Variants in B3GALT1 observed in about 807,000 individuals in gnomAD.
B3GALT1 encodes UDP-Gal:betaGlcNAc beta 1,3-galactosyltransferase, polypeptide 1.
B3GALT1 carries 10 observed loss-of-function variants against 23.2 expected under a neutral mutation model. The ratio of observed to expected loss-of-function variants is 0.43; its 90% confidence interval spans 0.27 to 0.73. The LOEUF (loss-of-function observed/expected upper bound fraction) is 0.73, where lower values mean the gene tolerates loss of function less well. Ranked by LOEUF, B3GALT1 falls within the 30% of genes least tolerant of loss-of-function variation. B3GALT1 has a pLI of 0.21. For missense variants in B3GALT1, 299 were observed against 405.4 expected (o/e 0.74, Z 2.25); for synonymous variants, 156 against 141.5 (o/e 1.10, Z -0.73).
chr2:167,367,695 C>T (rs1025439525), intron 1 of B3GALT1, among the ~76,000 whole-genome samples: 1 of 152,112 alleles, frequency 6.6e-6, no homozygotes. Flanking sequence ...AGTACATAGA[C>T]TGACCCTGAA....
intron 2 of B3GALT1, among the ~76,000 whole-genome samples, chr2:167,589,479 C>T (rs1196678350): frequency 6.6e-6 from 1 of 152,038 alleles, no homozygotes; most frequent in East Asian, 1.9e-4. Flanking sequence ...AATGTACATT[C>T]TTACAAGGTG....
At chr2:167,514,932 G>T (rs1700078466) in intron 2 of B3GALT1, among the ~76,000 whole-genome samples, 1 of 151,926 alleles carries the variant, frequency 6.6e-6, no homozygotes, top group Non-Finnish European at 1.5e-5. Flanking sequence ...ATAGGAACTG[G>T]TTAATAAATA....
intron 2 of B3GALT1, among the ~76,000 whole-genome samples, chr2:167,574,732 G>C (rs1207291983): frequency 6.6e-6 from 1 of 151,474 alleles, no homozygotes; most frequent in African/African-American, 2.4e-5. Flanking sequence ...AAGTGTATAG[G>C]GCATAAAATT....
chr2:167,503,509 T>C (rs1699876571), intron 2 of B3GALT1, among the ~76,000 whole-genome samples: 1 of 152,174 alleles, frequency 6.6e-6, no homozygotes, highest in Non-Finnish European at 1.5e-5. Flanking sequence ...AGCTTAACAC[T>C]AAAAACTCTT....
At chr2:167,352,052 C>T (rs1426163541) in intron 1 of B3GALT1, among the ~76,000 whole-genome samples, 5 of 151,034 alleles carry the variant, frequency 3.3e-5, no homozygotes, top group Admixed American at 2.0e-4. Flanking sequence ...CTCTGCCTCC[C>T]GGGTTCAAAT....
At chr2:167,646,497 C>A (rs1209831982) in intron 2 of B3GALT1, among the ~76,000 whole-genome samples, 1 of 152,230 alleles carries the variant, frequency 6.6e-6, no homozygotes, top group Non-Finnish European at 1.5e-5. Flanking sequence ...GCTTACATAG[C>A]TGAAACTACC....
At chr2:167,594,412 A>G (rs768562304) in intron 2 of B3GALT1, among the ~76,000 whole-genome samples, 29 of 152,210 alleles carry the variant, frequency 1.9e-4, no homozygotes, top group Non-Finnish European at 3.7e-4. Context: ...TGACTAAAAT[A>G]CTGTATCACC....
At chr2:167,810,559 T>C (rs569005159) in intron 3 of B3GALT1, among the ~76,000 whole-genome samples, 4 of 151,186 alleles carry the variant, frequency 2.6e-5, no homozygotes, top group Non-Finnish European at 4.4e-5. Flanking sequence ...TCAATGAATA[T>C]AGGCAGCAAC....
chr2:167,714,345 C>T (rs1687110233), intron 3 of B3GALT1: 2 of 1,499,090 alleles, frequency 1.3e-6, no homozygotes, highest in African/African-American at 2.8e-5. Flanking sequence ...CTTGGTTCTC[C>T]TCTTTTATTG....
chr2:167,821,070 A>G (rs1227770021), intron 4 of B3GALT1, among the ~76,000 whole-genome samples: 1 of 152,218 alleles, frequency 6.6e-6, no homozygotes, highest in Non-Finnish European at 1.5e-5. Flanking sequence ...AAGAGCTAAG[A>G]GCCTCTATCC....
chr2:167,328,246 G>T (rs1224830088), intron 1 of B3GALT1, among the ~76,000 whole-genome samples: 1 of 152,186 alleles, frequency 6.6e-6, no homozygotes, highest in Non-Finnish European at 1.5e-5. Flanking sequence ...TAATGAGTTA[G>T]AAAGGATTCC....
At position 167,756,173 on chromosome 2, in the gene B3GALT1, G is replaced by A. The variant is rs370557986; in HGVS notation, c.-351-62499G>A. On this transcript the variant is annotated intron_variant, in intron 3 of 4. Transcript: ENST00000392690. The stretch of plus-strand genomic sequence containing the variant: ...CCCCTAGTCTGCCCATTCCCACCCC[G>A]CCCCCCAGGATGCTTCTCACATTTA... Among the ~76,000 whole-genome samples, 5 of 145,412 alleles carry A rather than the reference G, an allele frequency of 3.4e-5. No homozygotes were observed. In the East Asian group the frequency reaches 6.8e-4, roughly 20 times the overall value.
intron 1 of B3GALT1, among the ~76,000 whole-genome samples, chr2:167,304,054 C>G (rs1696505415): frequency 6.6e-6 from 1 of 152,118 alleles, no homozygotes; most frequent in Non-Finnish European, 1.5e-5. Context: ...TTACAGTATT[C>G]CATTCTTCCC....
chr2:167,848,789 AGAG>A (rs1272206829), intron 4 of B3GALT1, among the ~76,000 whole-genome samples: 1 of 152,172 alleles, frequency 6.6e-6, no homozygotes, highest in Non-Finnish European at 1.5e-5. Context: ...AAATTGGTAA[AGAG>A]GAAGTCAAAC....
rs183125734 is a variant in B3GALT1 at position 167,799,884 on chromosome 2, G to A, written c.-351-18788G>A. On this transcript the variant is annotated intron_variant, in intron 3 of 4. Transcript: ENST00000392690. Reference sequence around the variant, plus strand: ...ATGTGAAATGTGTTCAAGACCCACAGACAAAGGTTCTTAGTTTTAACAAAA... The same window carrying A: ...ATGTGAAATGTGTTCAAGACCCACAAACAAAGGTTCTTAGTTTTAACAAAA... Among the ~76,000 whole-genome samples, 317 of 151,706 alleles carry A rather than the reference G, an allele frequency of 2.1e-3. 3 individuals carry two copies. Among genetic ancestry groups the A allele is most frequent in the African/African-American group, 7.5e-3 (307 of 41,194 alleles).
chr2:167,852,462 G>C (rs569227204), intron 4 of B3GALT1, among the ~76,000 whole-genome samples: 1 of 124,240 alleles, frequency 8.0e-6, no homozygotes, highest in Non-Finnish European at 1.7e-5. Context: ...TCTTTTATTC[G>C]TGATGGTGTG....
At chr2:167,366,958 T>C (rs764184573) in intron 1 of B3GALT1, among the ~76,000 whole-genome samples, 3 of 152,160 alleles carry the variant, frequency 2.0e-5, no homozygotes, top group Non-Finnish European at 2.9e-5. Flanking sequence ...GGCATAGAAA[T>C]GGCTCAGTGC....
intron 1 of B3GALT1, among the ~76,000 whole-genome samples, chr2:167,354,347 CTTTTTTT>C (rs373088288): frequency 8.7e-6 from 1 of 115,058 alleles, no homozygotes; most frequent in Non-Finnish European, 1.9e-5. Flanking sequence ...GGTAAATCTT[CTTTTTTT>C]TTTTTTTTTT....
intron 1 of B3GALT1, among the ~76,000 whole-genome samples, chr2:167,479,671 C>T (rs1179517590): frequency 1.3e-5 from 2 of 152,018 alleles, no homozygotes; most frequent in African/African-American, 4.8e-5. Context: ...CAAAGTGATC[C>T]TCTTTGGGTT....
Sources: gnomAD v4.1 joint callset for allele counts (sites outside exome capture counted in the v4.1 genomes callset) on GRCh38, gnomAD v4.1.1 for gene constraint, MANE v1.5 for transcripts, NCBI Gene and HGNC (gene_info 2026-07-23, HGNC 2026-07-21) for gene names.